NLGN4X: variants seen among roughly 807,000 people sequenced by gnomAD.
NLGN4X encodes the protein neuroligin-4, X-linked.
A neutral mutation model predicts 40.3 loss-of-function variants in NLGN4X; 3 were observed. That is an observed-to-expected ratio of 0.07 (90% confidence interval 0.03 to 0.19). The LOEUF is 0.19. Among genes scored for constraint, NLGN4X ranks in the 10% least tolerant of loss-of-function variants. The pLI is 1.00. For missense variants in NLGN4X, 382 were observed against 708.3 expected (o/e 0.54, Z 5.23); for synonymous variants, 270 against 306.8 (o/e 0.88, Z 1.25).
intron 1 of NLGN4X, among the ~76,000 whole-genome samples, chrX:6,197,719 A>G (rs752262270): frequency 9.0e-6 from 1 of 111,097 alleles, no homozygotes; most frequent in East Asian, 2.8e-4. Context: ...ATACAGGATG[A>G]TAGATTTTCA....
chrX:6,021,085 TC>T (rs2036540853), intron 3 of NLGN4X, among the ~76,000 whole-genome samples: 1 of 48,284 alleles, frequency 2.1e-5, no homozygotes, highest in African/African-American at 1.0e-4. Context: ...TCCCTCTCTC[TC>T]TCTCTCCCCC....
intron 5 of NLGN4X, among the ~76,000 whole-genome samples, chrX:5,900,560 C>CTTTTTTTTTTTTTTTTTTTTTTTTT (rs1163973694): frequency 2.2e-5 from 1 of 45,596 alleles, no homozygotes; most frequent in Non-Finnish European, 3.8e-5. Flanking sequence ...GTTTTTGGTG[C>CTTTTTTTTTTTTTTTTTTTTTTTTT]TTTTTTTTTT....
At chrX:6,039,287 A>G (rs1210996674) in intron 2 of NLGN4X, among the ~76,000 whole-genome samples, 1 of 111,601 alleles carries the variant, frequency 9.0e-6, no homozygotes, top group Non-Finnish European at 1.9e-5. Context: ...AAAAGATCTC[A>G]TAGAGAAGAA....
chrX:6,183,888 A>C (rs945811238), intron 1 of NLGN4X, among the ~76,000 whole-genome samples: 4 of 112,227 alleles, frequency 3.6e-5, no homozygotes, highest in African/African-American at 1.3e-4. Context: ...GTGTTAGCAA[A>C]ATGTGTCCAG....
chrX:6,164,943 C>G (rs1313606894), intron 1 of NLGN4X, among the ~76,000 whole-genome samples: 1 of 111,216 alleles, frequency 9.0e-6, no homozygotes, highest in African/African-American at 3.3e-5. Context: ...ACAAGGTGTT[C>G]GGCTCTAGAT....
At chrX:5,903,890 T>C in intron 4 of NLGN4X, 24 bp from the exon 5 acceptor site, 1 of 1,210,273 alleles carries the variant, frequency 8.3e-7, no homozygotes, top group Non-Finnish European at 1.1e-6. Context: ...ATTGTGGACA[T>C]GCAAATGAAA....
At chrX:6,065,336 T>C (rs1438476694) in intron 2 of NLGN4X, among the ~76,000 whole-genome samples, 1 of 91,019 alleles carries the variant, frequency 1.1e-5, no homozygotes, top group East Asian at 3.5e-4. Flanking sequence ...TGGTTAAGTA[T>C]TGGCTAAGTG....
At chrX:6,212,961 TA>T (rs1269275075) in intron 1 of NLGN4X, among the ~76,000 whole-genome samples, 1 of 112,025 alleles carries the variant, frequency 8.9e-6, no homozygotes, top group African/African-American at 3.2e-5. Flanking sequence ...CCATCTTTCT[TA>T]GAGAAGAATT....
At chrX:5,952,861 T>C (rs925754612) in intron 3 of NLGN4X, among the ~76,000 whole-genome samples, 1 of 111,341 alleles carries the variant, frequency 9.0e-6, no homozygotes, top group Admixed American at 9.6e-5. Flanking sequence ...CACCTTATAT[T>C]TTAATTTGCA....
chrX:6,031,399 A>G (rs2092364331), intron 2 of NLGN4X, among the ~76,000 whole-genome samples: 1 of 111,755 alleles, frequency 8.9e-6, no homozygotes, highest in Non-Finnish European at 1.9e-5. Flanking sequence ...TCAGAGAGCT[A>G]CTTGAGACAG....
At chrX:6,017,637 A>C (rs1463473078) in intron 3 of NLGN4X, among the ~76,000 whole-genome samples, 1 of 111,869 alleles carries the variant, frequency 8.9e-6, no homozygotes, top group East Asian at 2.8e-4. Flanking sequence ...TTTTGATCTT[A>C]AGATGATACA....
chrX:6,021,742 TG>T (rs1253705803), intron 3 of NLGN4X, among the ~76,000 whole-genome samples: 5 of 104,825 alleles, frequency 4.8e-5, no homozygotes, highest in African/African-American at 2.0e-4. Context: ...TTTTTTTGTT[TG>T]TTTTTTTTTT....
intron 2 of NLGN4X, among the ~76,000 whole-genome samples, chrX:6,108,914 G>C (rs188414329): frequency 1.8e-5 from 2 of 111,010 alleles, no homozygotes; most frequent in African/African-American, 3.3e-5. Flanking sequence ...GTTTTAAGCA[G>C]CATGAGACTA....
intron 2 of NLGN4X, among the ~76,000 whole-genome samples, chrX:6,031,053 T>C (rs1457832812): frequency 8.9e-6 from 1 of 112,088 alleles, no homozygotes; most frequent in Non-Finnish European, 1.9e-5. Context: ...CTTGAACTTG[T>C]GGAAGTAATA....
At chrX:6,020,492 C>T (rs2147186601) in intron 3 of NLGN4X, among the ~76,000 whole-genome samples, 1 of 111,986 alleles carries the variant, frequency 8.9e-6, no homozygotes, top group South Asian at 3.7e-4. Context: ...CCAAAGGTTA[C>T]AAAGTTTCAG....
chrX:5,911,652 C>T (rs2032481513), intron 3 of NLGN4X, among the ~76,000 whole-genome samples: 1 of 111,823 alleles, frequency 8.9e-6, no homozygotes, highest in African/African-American at 3.3e-5. Flanking sequence ...TCTTTTTAAA[C>T]TATCAACAAG....
At chrX:6,223,142 T>A (rs1206511957) in intron 1 of NLGN4X, among the ~76,000 whole-genome samples, 1 of 110,952 alleles carries the variant, frequency 9.0e-6, no homozygotes, top group Non-Finnish European at 1.9e-5. Flanking sequence ...ATATATATAT[T>A]ATATAGTAGG....
chrX:5,906,183 G>A, intron 4 of NLGN4X, among the ~76,000 whole-genome samples: 1 of 111,952 alleles, frequency 8.9e-6, no homozygotes, highest in Non-Finnish European at 1.9e-5. Context: ...AGTGAAAATC[G>A]AGGTATTTTC....
At chrX:6,219,567 T>C (rs375976725) in intron 1 of NLGN4X, among the ~76,000 whole-genome samples, 1 of 66,399 alleles carries the variant, frequency 1.5e-5, no homozygotes, top group Non-Finnish European at 2.7e-5. Context: ...TTTCTTTCTT[T>C]CTTTCTTCCT....
Sources: allele counts gnomAD v4.1 joint callset (sites outside exome capture counted in the v4.1 genomes callset), GRCh38; gene constraint gnomAD v4.1.1; transcripts MANE v1.5; gene names NCBI Gene and HGNC (gene_info 2026-07-23, HGNC 2026-07-21).